The following CCSER1 variants were observed in gnomAD, a reference collection of about 807,000 sequenced individuals.
CCSER1 encodes the protein coiled-coil serine rich protein 1, also known as serine-rich coiled-coil domain-containing protein 1.
Under a neutral mutation model 82.0 loss-of-function variants are expected in CCSER1, and 41 were observed. The ratio of observed to expected loss-of-function variants is 0.50; its 90% CI spans 0.39 to 0.65. The LOEUF is 0.65. CCSER1 is among the 30% of genes least tolerant of loss of function. The pLI, the probability that CCSER1 is intolerant of heterozygous loss-of-function variation, is 0.00. For synonymous variants in CCSER1, 414 were observed against 383.9 expected (o/e 1.08, Z -0.92); for missense variants, 1,119 against 1,064.2 (o/e 1.05, Z -0.72).
chr4:90,734,672 T>C (rs1745357398), intron 7 of CCSER1, among the ~76,000 whole-genome samples: 1 of 152,220 alleles, frequency 6.6e-6, no homozygotes, highest in Non-Finnish European at 1.5e-5. Context: ...GTTGATATTG[T>C]ATCCTGCAAC....
intron 1 of CCSER1, among the ~76,000 whole-genome samples, chr4:90,150,488 C>T (rs575360234): frequency 6.6e-6 from 1 of 152,152 alleles, no homozygotes; most frequent in East Asian, 1.9e-4. Context: ...TGACTTGTGA[C>T]CACTGTGTAT....
intron 10 of CCSER1, among the ~76,000 whole-genome samples, chr4:91,293,998 T>G (rs1330284280): frequency 6.6e-6 from 1 of 151,936 alleles, no homozygotes; most frequent in Admixed American, 6.6e-5. Flanking sequence ...AGCCCTCTTT[T>G]TTTTTATTCC....
intron 5 of CCSER1, among the ~76,000 whole-genome samples, chr4:90,478,063 C>G (rs1315592124): frequency 6.6e-6 from 1 of 152,146 alleles, no homozygotes; most frequent in African/African-American, 2.4e-5. Flanking sequence ...ATTCTCTTAA[C>G]TGTGAAACAA....
intron 8 of CCSER1, among the ~76,000 whole-genome samples, chr4:90,825,920 G>A (rs749108805): frequency 6.6e-6 from 1 of 151,972 alleles, no homozygotes; most frequent in East Asian, 1.9e-4. Flanking sequence ...TCAATCTCCT[G>A]ACCTCGTGAT....
At chr4:91,181,035 G>C (rs935480538) in intron 10 of CCSER1, among the ~76,000 whole-genome samples, 3 of 152,226 alleles carry the variant, frequency 2.0e-5, no homozygotes, top group African/African-American at 7.2e-5. Flanking sequence ...TTTCCGCCCT[G>C]GGAGGGCCAG....
intron 9 of CCSER1, among the ~76,000 whole-genome samples, chr4:91,027,426 C>T (rs576463975): frequency 2.0e-5 from 3 of 151,630 alleles, no homozygotes; most frequent in Admixed American, 6.6e-5. Context: ...CATAACAGGT[C>T]GTGCATATGC....
intron 10 of CCSER1, among the ~76,000 whole-genome samples, chr4:91,171,324 ATTGT>A (rs902941813): frequency 2.0e-5 from 3 of 152,170 alleles, no homozygotes; most frequent in African/African-American, 7.2e-5. Flanking sequence ...AATTCAACTA[ATTGT>A]TTGTTATAAA....
At chr4:91,249,529 A>G (rs1919229) in intron 10 of CCSER1, among the ~76,000 whole-genome samples, 85,350 of 151,862 alleles carry the variant, frequency 0.56, 25,068 homozygotes, top group African/African-American at 0.76. Context: ...AAGGGATAAC[A>G]GCTTTATTCT....
At chr4:90,220,363 A>C (rs1036988404) in intron 1 of CCSER1, among the ~76,000 whole-genome samples, 1 of 151,728 alleles carries the variant, frequency 6.6e-6, no homozygotes, top group Non-Finnish European at 1.5e-5. Flanking sequence ...ACAACAAACT[A>C]TGCTTCTCTG....
At chr4:90,437,492 T>A (rs1759197551) in intron 4 of CCSER1, among the ~76,000 whole-genome samples, 1 of 152,212 alleles carries the variant, frequency 6.6e-6, no homozygotes, top group Non-Finnish European at 1.5e-5. Flanking sequence ...ACTTACTAGT[T>A]GGATGTCTTT....
intron 9 of CCSER1, among the ~76,000 whole-genome samples, chr4:91,015,694 A>G (rs1278041291): frequency 6.6e-6 from 1 of 151,922 alleles, no homozygotes; most frequent in African/African-American, 2.4e-5. Flanking sequence ...GCAATTTGCT[A>G]TATAAAATAT....
chr4:90,745,678 CTTTTTTTTTTTT>C (rs537380046), intron 7 of CCSER1, among the ~76,000 whole-genome samples: 3 of 72,236 alleles, frequency 4.2e-5, no homozygotes, highest in Admixed American at 2.0e-4. Flanking sequence ...TTTCTTTTAT[CTTTTTTTTTTTT>C]TTTTTTTTTT....
intron 10 of CCSER1, among the ~76,000 whole-genome samples, chr4:91,314,868 C>T (rs951373104): frequency 1.3e-5 from 2 of 151,910 alleles, no homozygotes; most frequent in African/African-American, 4.8e-5. Flanking sequence ...AGAAGCAGGG[C>T]TCCCTAAAGG....
chr4:90,714,059 C>T (rs1259733147), intron 6 of CCSER1, among the ~76,000 whole-genome samples: 4 of 151,928 alleles, frequency 2.6e-5, no homozygotes, highest in Non-Finnish European at 5.9e-5. Context: ...CAGTTGAAAA[C>T]GTTGAATTCA....
intron 5 of CCSER1, among the ~76,000 whole-genome samples, chr4:90,535,184 TAATATTTG>T (rs1775161389): frequency 6.6e-6 from 1 of 152,096 alleles, no homozygotes; most frequent in Non-Finnish European, 1.5e-5. Context: ...TAGAACCTAT[TAATATTTG>T]AATATTTGTG....
intron 7 of CCSER1, among the ~76,000 whole-genome samples, chr4:90,803,374 C>CT (rs80122643): frequency 0.19 from 28,793 of 151,958 alleles, 3,411 homozygotes; most frequent in South Asian, 0.28. Context: ...CCCCCACCCC[C>CT]TGACAGGCCT....
intron 10 of CCSER1, among the ~76,000 whole-genome samples, chr4:91,099,819 T>C (rs1317748948): frequency 2.6e-5 from 4 of 152,210 alleles, no homozygotes; most frequent in Non-Finnish European, 5.9e-5. Context: ...TGAGGTCTTA[T>C]AGTGGCTGCT....
At position 90,308,642 on chromosome 4, in the gene CCSER1, A is replaced by G; in HGVS notation, c.358A>G (p.Ser120Gly). The G allele has an allele frequency of 6.2e-7, 1 of 1,613,752 alleles. No homozygotes were observed. Among genetic ancestry groups the G allele is most frequent in the East Asian group, 2.2e-5 (1 of 44,868 alleles). ...CAGGGGAAGACATTCTGTTGGTTTTAGTAGTTCACGAAATAAGAAGATAAC... is the reference window on the plus strand; with the variant it reads ...CAGGGGAAGACATTCTGTTGGTTTTGGTAGTTCACGAAATAAGAAGATAAC... ...KTRGRHSVGF[S>G]SSRNKKITRS... The change falls in exon 2 of 11, where the codon AGT (serine) becomes GGT (glycine). Residue 120 changes from serine (S) to glycine (G), a missense_variant. By Grantham distance (56) the Ser-to-Gly change is moderately conservative. Coordinates refer to ENST00000509176, the MANE Select transcript of CCSER1 (RefSeq NM_001145065.2).
chr4:91,163,898 G>A (rs949390606), intron 10 of CCSER1, among the ~76,000 whole-genome samples: 9 of 152,142 alleles, frequency 5.9e-5, no homozygotes, highest in South Asian at 4.1e-4. Flanking sequence ...GGGAGTCTGT[G>A]TCTTTTAATC....
Sources: allele counts gnomAD v4.1 joint callset (sites outside exome capture counted in the v4.1 genomes callset), GRCh38; gene constraint gnomAD v4.1.1; transcripts MANE v1.5; gene names NCBI Gene and HGNC (gene_info 2026-07-23, HGNC 2026-07-21).